Variants in MAGI1 observed in about 807,000 individuals in gnomAD.
The protein encoded by MAGI1 is membrane associated guanylate kinase, WW and PDZ domain containing 1.
MAGI1 carries 58 observed loss-of-function variants against 139.9 expected under a neutral mutation model. The observed-to-expected ratio is 0.41, with a 90% CI of 0.34 to 0.52. MAGI1 has a LOEUF of 0.52. Ranked by LOEUF, MAGI1 falls within the 20% of genes least tolerant of loss-of-function variation. The pLI is 0.12. For missense variants in MAGI1, 1,874 were observed against 1,901.6 expected (o/e 0.99, Z 0.27); for synonymous variants, 812 against 737.9 (o/e 1.10, Z -1.63).
At chr3:65,684,553 G>C (rs1158797057) in intron 1 of MAGI1, among the ~76,000 whole-genome samples, 1 of 152,134 alleles carries the variant, frequency 6.6e-6, no homozygotes, top group Non-Finnish European at 1.5e-5. Flanking sequence ...AAGGGATTTT[G>C]GTGGTATTAG....
intron 1 of MAGI1, among the ~76,000 whole-genome samples, chr3:65,942,085 C>A (rs958243749): frequency 2.0e-5 from 3 of 152,176 alleles, no homozygotes; most frequent in Non-Finnish European, 4.4e-5. Flanking sequence ...CCATACCCAG[C>A]CTTAGCTTTC....
chr3:66,023,227 T>C (rs1262047775), intron 1 of MAGI1, among the ~76,000 whole-genome samples: 1 of 152,166 alleles, frequency 6.6e-6, no homozygotes, highest in Non-Finnish European at 1.5e-5. Flanking sequence ...AATGTTCCAT[T>C]CTGATATGGA....
At chr3:65,494,054 T>G (rs889853349) in intron 2 of MAGI1, among the ~76,000 whole-genome samples, 2 of 152,210 alleles carry the variant, frequency 1.3e-5, no homozygotes, top group African/African-American at 4.8e-5. Flanking sequence ...GGCCTTGAGA[T>G]TCTCGTATTC....
intron 2 of MAGI1, among the ~76,000 whole-genome samples, chr3:65,541,924 A>T (rs1367446753): frequency 1.3e-5 from 2 of 152,202 alleles, no homozygotes; most frequent in Admixed American, 1.3e-4. Context: ...TGGCCAGGGC[A>T]ATCAGGCAGG....
intron 1 of MAGI1, among the ~76,000 whole-genome samples, chr3:65,964,931 C>T (rs1042186814): frequency 6.6e-6 from 1 of 152,154 alleles, no homozygotes; most frequent in African/African-American, 2.4e-5. Flanking sequence ...GAAACTCTCC[C>T]GGAAACTATA....
At chr3:65,972,216 G>A (rs1038281885) in intron 1 of MAGI1, among the ~76,000 whole-genome samples, 1 of 152,192 alleles carries the variant, frequency 6.6e-6, no homozygotes, top group Non-Finnish European at 1.5e-5. Context: ...CAGAAAAGAA[G>A]GTGAAGGAGA....
At chr3:65,960,085 G>A (rs2064350237) in intron 1 of MAGI1, among the ~76,000 whole-genome samples, 1 of 151,970 alleles carries the variant, frequency 6.6e-6, no homozygotes, top group African/African-American at 2.4e-5. Flanking sequence ...GAGATTACAG[G>A]TGTGAGCCAC....
At chr3:65,840,602 C>G (rs6794138) in intron 1 of MAGI1, among the ~76,000 whole-genome samples, 89,009 of 151,974 alleles carry the variant, frequency 0.59, 26,630 homozygotes, top group East Asian at 0.94. Flanking sequence ...TATATCCCTA[C>G]AATACACCCT....
intron 1 of MAGI1, among the ~76,000 whole-genome samples, chr3:65,972,764 C>A (rs1173423376): frequency 6.6e-6 from 1 of 152,188 alleles, no homozygotes; most frequent in Non-Finnish European, 1.5e-5. Context: ...GGCACATATA[C>A]GCATACACTT....
chr3:65,607,137 C>T (rs112520340), intron 2 of MAGI1, among the ~76,000 whole-genome samples: 1 of 151,198 alleles, frequency 6.6e-6, no homozygotes, highest in African/African-American at 2.4e-5. Flanking sequence ...ACATAATTCA[C>T]TGTAATATGG....
intron 1 of MAGI1, among the ~76,000 whole-genome samples, chr3:65,635,169 A>T (rs1236384265): frequency 6.6e-6 from 1 of 152,098 alleles, no homozygotes; most frequent in Non-Finnish European, 1.5e-5. Context: ...GGTCCAGGTG[A>T]TTCTCCCACC....
intron 5 of MAGI1, among the ~76,000 whole-genome samples, chr3:65,469,120 C>G (rs1199999076): frequency 6.6e-6 from 1 of 152,052 alleles, no homozygotes; most frequent in Non-Finnish European, 1.5e-5. Flanking sequence ...CTTTCTGTGC[C>G]TAGAACTTGA....
chr3:65,732,935 T>G (rs752761461), intron 1 of MAGI1, among the ~76,000 whole-genome samples: 17 of 152,222 alleles, frequency 1.1e-4, no homozygotes, highest in Non-Finnish European at 2.2e-4. Flanking sequence ...ATGAGGACTG[T>G]GGCAAACTGG....
chr3:65,495,805 G>A (rs1220259790), intron 2 of MAGI1, among the ~76,000 whole-genome samples: 1 of 152,030 alleles, frequency 6.6e-6, no homozygotes, highest in African/African-American at 2.4e-5. Flanking sequence ...AAGGTGATGG[G>A]GAATGCATCC....
intron 1 of MAGI1, among the ~76,000 whole-genome samples, chr3:65,753,111 C>T (rs2036283254): frequency 6.6e-6 from 1 of 152,046 alleles, no homozygotes; most frequent in African/African-American, 2.4e-5. Context: ...GAGGAACTTA[C>T]GTCATAGTGC....
intron 1 of MAGI1, among the ~76,000 whole-genome samples, chr3:65,986,161 T>G (rs530450323): frequency 1.3e-5 from 2 of 152,284 alleles, no homozygotes; most frequent in South Asian, 4.1e-4. Flanking sequence ...ACAGGCATGT[T>G]TGCAACATCA....
chr3:65,602,885 C>T (rs1394114101), intron 2 of MAGI1, among the ~76,000 whole-genome samples: 2 of 151,816 alleles, frequency 1.3e-5, no homozygotes, highest in African/African-American at 2.4e-5. Context: ...CATATATGAT[C>T]AACCTTAGGA....
At chr3:65,867,829 A>G (rs1056305592) in intron 1 of MAGI1, among the ~76,000 whole-genome samples, 3 of 152,142 alleles carry the variant, frequency 2.0e-5, no homozygotes, top group South Asian at 2.1e-4. Context: ...CTAGCCCCCA[A>G]GAAGCCCTGC....
At chr3:65,764,096 A>AC (rs1284198650) in intron 1 of MAGI1, among the ~76,000 whole-genome samples, 1 of 151,546 alleles carries the variant, frequency 6.6e-6, no homozygotes, top group South Asian at 2.1e-4. Flanking sequence ...AAAAAAAAAA[A>AC]AAAACCTTGT....
Sources: allele counts gnomAD v4.1 joint callset (sites outside exome capture counted in the v4.1 genomes callset), GRCh38; gene constraint gnomAD v4.1.1; transcripts MANE v1.5; gene names NCBI Gene and HGNC (gene_info 2026-07-23, HGNC 2026-07-21).